Variants in ZNF101 observed in about 807,000 individuals in gnomAD.
ZNF101 encodes zinc finger protein 101 (Y2).
A neutral mutation model predicts 42.6 loss-of-function variants in ZNF101; 34 were observed. The ratio of observed to expected loss-of-function variants is 0.80; its 90% confidence interval spans 0.61 to 1.06. The LOEUF is 1.06. Among genes scored for constraint, ZNF101 ranks in the 50% least tolerant of loss-of-function variants. The pLI is 0.00. For missense variants in ZNF101, 466 were observed against 530.9 expected, an observed-to-expected ratio of 0.88 and a Z score of 1.20; for synonymous variants, 158 against 183.9, an observed-to-expected ratio of 0.86 and a Z score of 1.14.
Position 19,669,107 on chromosome 19 carries a change from C to T in ZNF101, c.3+141C>T, listed in dbSNP as rs577619391. On this transcript the variant is annotated intron_variant, in intron 1 of 3. Transcript: ENST00000592502. ...GGCGCAGCTCGACCCTTGGTCCCCT[C>T]GGTCGCCGGGTGGAGCTGGACCAGC... is the stretch of plus-strand genomic sequence containing the variant. 137 of 1,255,118 alleles carry T rather than the reference C, an allele frequency of 1.1e-4. No individual in the cohort carries two copies. In the African/African-American group the frequency reaches 1.8e-3, roughly 16 times the overall value. 77.7% of individuals were successfully genotyped at this position (1,255,118 alleles called of 1,614,324 possible).
chr19:19,676,370 C>G (rs1004695731), intron 1 of ZNF101: 2 of 151,928 alleles, frequency 1.3e-5, no homozygotes, highest in Non-Finnish European at 2.9e-5. Flanking sequence ...CACCCTACTA[C>G]TCTACATGCC....
intron 1 of ZNF101, among the ~76,000 whole-genome samples, chr19:19,669,772 T>C (rs2145040999): frequency 6.6e-6 from 1 of 152,248 alleles, no homozygotes; most frequent in Non-Finnish European, 1.5e-5. Context: ...CTTGAGCCAC[T>C]GCGCCTGGCA....
At chr19:19,670,760 A>G (rs2145042671) in intron 1 of ZNF101, among the ~76,000 whole-genome samples, 1 of 152,142 alleles carries the variant, frequency 6.6e-6, no homozygotes, top group South Asian at 2.1e-4. Context: ...TTAAAAAAAA[A>G]AAAGGAAATC....
chr19:19,675,940 G>A (rs1295080170), intron 1 of ZNF101, among the ~76,000 whole-genome samples: 1 of 152,032 alleles, frequency 6.6e-6, no homozygotes, highest in Non-Finnish European at 1.5e-5. Flanking sequence ...AAGACTGCAG[G>A]GGCCATGATT....
chr19:19,668,839 A>G lies in ZNF101; in HGVS notation c.-125A>G, dbSNP rs971731069. The G allele has an allele frequency of 1.2e-5, 16 of 1,294,076 alleles. No individual in the cohort carries two copies. In the Admixed American group the frequency reaches 2.9e-4, roughly 24 times the overall value. 80.2% of individuals were successfully genotyped at this position (1,294,076 alleles called of 1,614,324 possible). ...CGGTCTCATTTCCCGCCGGCCCCCCATTCGGGTCCGGGTTTTAGTTCCTCG... is the reference window on the plus strand; with the variant it reads ...CGGTCTCATTTCCCGCCGGCCCCCCGTTCGGGTCCGGGTTTTAGTTCCTCG... On this transcript the variant is annotated 5_prime_UTR_variant, in exon 1 of 4. Coordinates refer to ENST00000592502, the MANE Select transcript of ZNF101 (RefSeq NM_033204.4).
chr19:19,670,876 C>T (rs1305884317), intron 1 of ZNF101, among the ~76,000 whole-genome samples: 1 of 152,194 alleles, frequency 6.6e-6, no homozygotes, highest in African/African-American at 2.4e-5. Flanking sequence ...GAGGCAGAGG[C>T]AGGCAGATCA....
chr19:19,680,222 T>C lies in ZNF101; in HGVS notation c.1233T>C (p.Leu411=). 1.3e-6 allele frequency: 2 copies of C among 1,583,488 alleles called. No individual in the cohort carries two copies. Among genetic ancestry groups the C allele is most frequent in the Non-Finnish European group, 1.7e-6 (2 of 1,167,294 alleles). ...TTACTTTTTCAAATTACCTTAGACT[T>C]CATGAAAGAACTCATTTGGCCGGGC... ...KVFTFSNYLR[L]HERTHLAGRS... is the part of the protein sequence containing the mutation. Residue 411 remains leucine (L), a synonymous_variant, in exon 4 of 4, where the codon CTT becomes CTC. Transcript: ENST00000592502.
At chr19:19,671,524 G>C (rs1335825059) in intron 1 of ZNF101, among the ~76,000 whole-genome samples, 10 of 146,436 alleles carry the variant, frequency 6.8e-5, no homozygotes, top group Non-Finnish European at 7.5e-5. Context: ...TTTTGAGACA[G>C]AGTCTTGCTC....
At chr19:19,675,327 C>T (rs550401217) in intron 1 of ZNF101, among the ~76,000 whole-genome samples, 8 of 151,536 alleles carry the variant, frequency 5.3e-5, no homozygotes, top group East Asian at 3.9e-4. Flanking sequence ...TTAGTAGAGA[C>T]GGAGTTTCAC....
At chr19:19,676,883 C>A (rs1402888196) in intron 1 of ZNF101, 1 of 152,142 alleles carries the variant, frequency 6.6e-6, no homozygotes, top group African/African-American at 2.4e-5. Context: ...GATCCACCTG[C>A]CTCGGCCTCC....
At chr19:19,675,322 A>G (rs2062195993) in intron 1 of ZNF101, among the ~76,000 whole-genome samples, 2 of 151,230 alleles carry the variant, frequency 1.3e-5, no homozygotes, top group Middle Eastern at 3.4e-3. Context: ...TATTTTTAGT[A>G]GAGACGGAGT....
intron 1 of ZNF101, chr19:19,676,985 ATC>A (rs1255441170): frequency 2.0e-5 from 3 of 152,304 alleles, no homozygotes; most frequent in Non-Finnish European, 4.4e-5. Flanking sequence ...AAGAAGGGAC[ATC>A]TTATTGAGTT....
intron 1 of ZNF101, among the ~76,000 whole-genome samples, chr19:19,670,757 A>G (rs923666070): frequency 6.6e-6 from 1 of 151,798 alleles, no homozygotes; most frequent in Non-Finnish European, 1.5e-5. Context: ...TCTTTAAAAA[A>G]AAAAAAGGAA....
At chr19:19,674,091 C>G (rs776218863) in intron 1 of ZNF101, among the ~76,000 whole-genome samples, 1 of 151,972 alleles carries the variant, frequency 6.6e-6, no homozygotes, top group Non-Finnish European at 1.5e-5. Flanking sequence ...CGCGCCTGGC[C>G]TATTCAATTC....
chr19:19,675,138 A>C (rs1314365436), intron 1 of ZNF101, among the ~76,000 whole-genome samples: 1 of 137,978 alleles, frequency 7.2e-6, no homozygotes, highest in Non-Finnish European at 1.6e-5. Context: ...ATTTTTCTTA[A>C]TTTATTTTAT....
intron 1 of ZNF101, chr19:19,677,533 CT>C (rs1340676898): frequency 4.8e-6 from 1 of 209,432 alleles, no homozygotes; most frequent in Non-Finnish European, 9.6e-6. Context: ...GAAATGAGCG[CT>C]GTCTGCACAC....
chr19:19,679,702 G>T lies in ZNF101; in HGVS notation c.713G>T (p.Ser238Ile). The T allele has an allele frequency of 6.2e-7, 1 of 1,614,068 alleles. No homozygotes were observed. Among genetic ancestry groups the T allele is most frequent in the Non-Finnish European group, 8.5e-7 (1 of 1,179,992 alleles). The change falls in exon 4 of 4, where the codon AGT becomes ATT. Residue 238 changes from serine to isoleucine, a missense_variant. Transcript: ENST00000592502. Reference sequence around the variant, plus strand: ...TGTGGAAAACCTATCGATTATCCCAGTTTATTTCAAATTCATGTTAGAACT... The same window carrying T: ...TGTGGAAAACCTATCGATTATCCCATTTTATTTCAAATTCATGTTAGAACT... ...KYCGKPIDYP[S>I]LFQIHVRTHT...
At chr19:19,677,755 TGG>T in intron 1 of ZNF101, 107 bp from the exon 2 acceptor site, 1 of 1,470,250 alleles carries the variant, frequency 6.8e-7, no homozygotes, top group Non-Finnish European at 9.2e-7. Flanking sequence ...GACTCAATCA[TGG>T]AGTGAGTGTT....
At chr19:19,673,329 A>G (rs1413367245) in intron 1 of ZNF101, among the ~76,000 whole-genome samples, 1 of 143,438 alleles carries the variant, frequency 7.0e-6, no homozygotes, top group Non-Finnish European at 1.5e-5. Context: ...GGCTCACTGC[A>G]ACCTCCACCT....
Sources: allele counts gnomAD v4.1 joint callset (sites outside exome capture counted in the v4.1 genomes callset), GRCh38; gene constraint gnomAD v4.1.1; transcripts MANE v1.5; gene names NCBI Gene and HGNC (gene_info 2026-07-23, HGNC 2026-07-21).